The following KDM4C variants were observed in gnomAD, a reference collection of about 807,000 sequenced individuals.
KDM4C encodes lysine demethylase 4C, also known as lysine-specific demethylase 4C.
Under a neutral mutation model 129.3 loss-of-function variants are expected in KDM4C, and 81 were observed. The observed-to-expected ratio is 0.63, with a 90% CI of 0.52 to 0.75. The LOEUF is 0.75. KDM4C is among the 30% of genes least tolerant of loss of function. The probability of loss-of-function intolerance (pLI) is 0.00; values close to 1 mark genes in which losing one functional copy is unlikely to be tolerated. For missense variants in KDM4C, 1,457 were observed against 1,304.0 expected (o/e 1.12, Z -1.81); for synonymous variants, 573 against 456.1 (o/e 1.26, Z -3.26).
chr9:6,759,328 G>C (rs538306800), intron 1 of KDM4C, among the ~76,000 whole-genome samples: 1 of 152,292 alleles, frequency 6.6e-6, no homozygotes, highest in Non-Finnish European at 1.5e-5. Flanking sequence ...TATGGCAACG[G>C]TGACTAATAT....
intron 5 of KDM4C, among the ~76,000 whole-genome samples, chr9:6,876,656 T>C (rs1843604706): frequency 6.6e-6 from 1 of 152,166 alleles, no homozygotes; most frequent in Non-Finnish European, 1.5e-5. Flanking sequence ...ATCAAAGTAG[T>C]GCCGTGGTGT....
intron 19 of KDM4C, among the ~76,000 whole-genome samples, chr9:7,143,221 C>T (rs1841925778): frequency 6.6e-6 from 1 of 152,210 alleles, no homozygotes; most frequent in Non-Finnish European, 1.5e-5. Context: ...ATACGCAGAT[C>T]TATATCAGTG....
chr9:6,928,794 C>G (rs894191213), intron 8 of KDM4C, among the ~76,000 whole-genome samples: 1 of 152,186 alleles, frequency 6.6e-6, no homozygotes, highest in African/African-American at 2.4e-5. Context: ...CCCCTTGGCT[C>G]TGTCTTCCTC....
chr9:6,995,650 A>G (rs944688187), intron 12 of KDM4C, among the ~76,000 whole-genome samples: 4 of 152,160 alleles, frequency 2.6e-5, no homozygotes, highest in Admixed American at 6.5e-5. Context: ...TGGTTTCAGA[A>G]AGTACTTACA....
intron 15 of KDM4C, among the ~76,000 whole-genome samples, chr9:7,026,764 T>C (rs1207786013): frequency 6.6e-6 from 1 of 152,078 alleles, no homozygotes; most frequent in African/African-American, 2.4e-5. Context: ...GTAGGTGTGC[T>C]TCACTGGTTT....
At chr9:6,854,020 C>G (rs530596335) in intron 5 of KDM4C, among the ~76,000 whole-genome samples, 1 of 151,972 alleles carries the variant, frequency 6.6e-6, no homozygotes, top group African/African-American at 2.4e-5. Context: ...ATTTTAATAA[C>G]CATGAAAATA....
At chr9:7,159,782 C>T (rs568553603) in intron 19 of KDM4C, among the ~76,000 whole-genome samples, 4 of 152,288 alleles carry the variant, frequency 2.6e-5, no homozygotes, top group Admixed American at 2.0e-4. Flanking sequence ...TTCATTTCAA[C>T]CTTGGTGAAT....
intron 4 of KDM4C, chr9:6,815,061 A>T (rs993423461): frequency 1.2e-4 from 23 of 184,186 alleles, no homozygotes; most frequent in Non-Finnish European, 2.2e-4. Flanking sequence ...AATATGATGC[A>T]TCATACTGAC....
At chr9:6,746,262 GTTTTTTTT>G (rs778939269) in intron 1 of KDM4C, among the ~76,000 whole-genome samples, 5 of 61,192 alleles carry the variant, frequency 8.2e-5, no homozygotes, top group Non-Finnish European at 1.4e-4. Flanking sequence ...ATATATATAT[GTTTTTTTT>G]TTTTTTTTTT....
At chr9:6,813,601 C>T (rs1241928143) in intron 3 of KDM4C, among the ~76,000 whole-genome samples, 3 of 152,096 alleles carry the variant, frequency 2.0e-5, no homozygotes, top group African/African-American at 4.8e-5. Context: ...AACTTTGCTT[C>T]ATTATATTCT....
At chr9:7,146,025 G>A (rs1842185348) in intron 19 of KDM4C, among the ~76,000 whole-genome samples, 1 of 152,190 alleles carries the variant, frequency 6.6e-6, no homozygotes, top group South Asian at 2.1e-4. Flanking sequence ...CTTTGATCTG[G>A]ACATTGAACA....
At chr9:7,026,649 C>T (rs1022280060) in intron 15 of KDM4C, among the ~76,000 whole-genome samples, 9 of 152,124 alleles carry the variant, frequency 5.9e-5, no homozygotes, top group Non-Finnish European at 1.2e-4. Context: ...GGGAAATTCT[C>T]TATTATTCTT....
intron 1 of KDM4C, among the ~76,000 whole-genome samples, chr9:6,777,198 A>T (rs911498560): frequency 2.6e-5 from 4 of 152,126 alleles, no homozygotes; most frequent in Admixed American, 2.0e-4. Context: ...AATTCTTTTT[A>T]TTAATATTAT....
chr9:6,952,277 A>G (rs1828287009), intron 8 of KDM4C, among the ~76,000 whole-genome samples: 1 of 152,052 alleles, frequency 6.6e-6, no homozygotes, highest in Non-Finnish European at 1.5e-5. Context: ...TGGTACGCCT[A>G]TGTCCAAGAG....
chr9:7,002,887 C>G (rs1820984742), intron 12 of KDM4C, among the ~76,000 whole-genome samples: 1 of 152,168 alleles, frequency 6.6e-6, no homozygotes, highest in Non-Finnish European at 1.5e-5. Flanking sequence ...TTTAGATAGA[C>G]TATTGCTATG....
At chr9:7,121,468 A>G (rs1839478521) in intron 18 of KDM4C, among the ~76,000 whole-genome samples, 2 of 152,192 alleles carry the variant, frequency 1.3e-5, no homozygotes, top group Non-Finnish European at 2.9e-5. Context: ...GGCCAGTGCA[A>G]GCTAAGCCAC....
chr9:6,849,690 C>A lies in KDM4C; in HGVS notation c.619C>A (p.Pro207Thr), dbSNP rs1156825404. The A allele has an allele frequency of 1.9e-6, 3 of 1,559,502 alleles. No individual in the cohort carries two copies. Among genetic ancestry groups the A allele is most frequent in the East Asian group, 2.3e-5 (1 of 43,750 alleles). The change falls in exon 5 of 22, where the codon CCC (proline) becomes ACC (threonine). Residue 207 changes from proline (P) to threonine (T), a missense_variant. Physicochemically the swap from Pro to Thr is conservative, Grantham distance 38. Transcript: ENST00000381309. ...YSINYLHFGE[P>T]KSWYAIPPEH... Reference sequence around the variant, plus strand: ...CATTAATTATCTCCACTTTGGAGAGCCCAAGTCTTGGCAAGTTACTTGTTT... The same window carrying A: ...CATTAATTATCTCCACTTTGGAGAGACCAAGTCTTGGCAAGTTACTTGTTT...
intron 4 of KDM4C, among the ~76,000 whole-genome samples, chr9:6,838,777 A>G (rs1836356612): frequency 6.6e-6 from 1 of 152,246 alleles, no homozygotes; most frequent in South Asian, 2.1e-4. Flanking sequence ...AAGAAGCAGC[A>G]AAAAAGCTAT....
chr9:6,826,481 T>G (rs1833893164), intron 4 of KDM4C, among the ~76,000 whole-genome samples: 1 of 152,144 alleles, frequency 6.6e-6, no homozygotes, highest in Non-Finnish European at 1.5e-5. Flanking sequence ...ATTTTTGTGG[T>G]ACAATGAACA....
Sources: allele counts gnomAD v4.1 joint callset (sites outside exome capture counted in the v4.1 genomes callset), GRCh38; gene constraint gnomAD v4.1.1; transcripts MANE v1.5; gene names NCBI Gene and HGNC (gene_info 2026-07-23, HGNC 2026-07-21).